The following BCL2 variants were observed in gnomAD, a reference collection of about 807,000 sequenced individuals.
The protein encoded by BCL2 is apoptosis regulator Bcl-2.
In BCL2, 1 loss-of-function variant was observed where a neutral mutation model predicts 14.2. The ratio of observed to expected loss-of-function variants is 0.07; its 90% CI spans 0.02 to 0.33. The LOEUF (loss-of-function observed/expected upper bound fraction) is 0.33, where lower values mean the gene tolerates loss of function less well. Ranked by LOEUF, BCL2 falls within the 10% of genes least tolerant of loss-of-function variation. BCL2 has a pLI of 0.99. For synonymous variants in BCL2, 151 were observed against 137.2 expected, an observed-to-expected ratio of 1.10 and a Z score of -0.70; for missense variants, 247 against 305.9, an observed-to-expected ratio of 0.81 and a Z score of 1.44.
chr18:63,174,178 A>G (rs1915294704), intron 2 of BCL2, among the ~76,000 whole-genome samples: 1 of 152,234 alleles, frequency 6.6e-6, no homozygotes, highest in South Asian at 2.1e-4. Context: ...CTATGAAATG[A>G]GTACTCTTTT....
intron 2 of BCL2, chr18:63,313,965 C>A (rs372868670): frequency 6.6e-6 from 1 of 151,974 alleles, no homozygotes; most frequent in Non-Finnish European, 1.5e-5. Flanking sequence ...TAACAGAATG[C>A]GCAAAAGAAA....
chr18:63,217,509 A>C (rs775589328), intron 2 of BCL2, among the ~76,000 whole-genome samples: 2 of 152,186 alleles, frequency 1.3e-5, no homozygotes, highest in African/African-American at 2.4e-5. Context: ...TCAGAAGGTA[A>C]GCAACGTTCT....
In BCL2 at chr18:63,265,186, G is replaced by T. The variant is rs140131650; in HGVS notation, c.585+52896C>A. 1.6e-3 allele frequency among the ~76,000 whole-genome samples: 242 copies of T among 152,278 alleles called. 1 individual carries two copies. The highest frequency in any genetic ancestry group is 5.5e-3 in the African/African-American group (228 of 41,562). ...AGAGCACCACGCTAAGGTCTTGCTG[G>T]CAGCAGAGTTTGGGAAGGGGAAGGG... On this transcript the variant is annotated intron_variant, in intron 2 of 2. Transcript: ENST00000333681.
At chr18:63,229,169 T>C (rs1568240557) in intron 2 of BCL2, among the ~76,000 whole-genome samples, 1 of 152,116 alleles carries the variant, frequency 6.6e-6, no homozygotes, top group East Asian at 1.9e-4. Context: ...TAGTGGGAGA[T>C]TTTATTTATT....
chr18:63,249,983 T>C (rs1393341628), intron 2 of BCL2, among the ~76,000 whole-genome samples: 1 of 152,076 alleles, frequency 6.6e-6, no homozygotes, highest in Non-Finnish European at 1.5e-5. Flanking sequence ...ATCCTCTCAC[T>C]TCAACTCAGC....
At chr18:63,161,475 G>A (rs573026129) in intron 2 of BCL2, among the ~76,000 whole-genome samples, 5 of 152,214 alleles carry the variant, frequency 3.3e-5, no homozygotes, top group African/African-American at 1.2e-4. Flanking sequence ...CTCAGCTGAG[G>A]CCCTTGTACT....
At chr18:63,259,605 G>A (rs1212014555) in intron 2 of BCL2, among the ~76,000 whole-genome samples, 7 of 152,230 alleles carry the variant, frequency 4.6e-5, no homozygotes, top group African/African-American at 1.4e-4. Flanking sequence ...CTGGCCTTCA[G>A]TTTCCCTGGG....
intron 2 of BCL2, among the ~76,000 whole-genome samples, chr18:63,134,576 T>C (rs1188554714): frequency 6.6e-6 from 1 of 152,328 alleles, no homozygotes; most frequent in East Asian, 1.9e-4. Flanking sequence ...TGGCTGGCTA[T>C]AAGCAAATTC....
chr18:63,242,624 G>A lies in BCL2; in HGVS notation c.585+75458C>T, dbSNP rs142935417. ...AGTTCACCACAATCCCTTATTACCA[G>A]TCTCTCCTCATTAAAACATCCCCCC... On this transcript the variant is annotated intron_variant, in intron 2 of 2. Coordinates refer to ENST00000333681, the MANE Select transcript of BCL2 (RefSeq NM_000633.3). Among the ~76,000 whole-genome samples, 249 of 152,110 alleles carry A rather than the reference G, an allele frequency of 1.6e-3. 1 individual carries two copies. The highest frequency in any genetic ancestry group is 3.2e-3 in the Non-Finnish European group (217 of 67,988).
chr18:63,260,101 C>CT (rs146237417), intron 2 of BCL2, among the ~76,000 whole-genome samples: 2,404 of 149,704 alleles, frequency 0.016, 61 homozygotes, highest in African/African-American at 0.055. Context: ...TTTTCATCTG[C>CT]TTTTTTTTTT....
At chr18:63,279,992 T>C (rs967495080) in intron 2 of BCL2, among the ~76,000 whole-genome samples, 1 of 152,242 alleles carries the variant, frequency 6.6e-6, no homozygotes, top group African/African-American at 2.4e-5. Context: ...CATGGCCTTA[T>C]GGGGGCTGGC....
chr18:63,317,424 G>T (rs1913532105), intron 2 of BCL2: 1 of 545,646 alleles, frequency 1.8e-6, no homozygotes, highest in Non-Finnish European at 2.3e-6. Context: ...ACCTCATCAC[G>T]CCCACTGGGA....
At position 63,174,969 on chromosome 18, in the gene BCL2, G is replaced by C. The variant is rs571312986; in HGVS notation, c.586-46210C>G. Among the ~76,000 whole-genome samples the C allele has an allele frequency of 7.2e-5, 11 of 152,144 alleles. No individual in the cohort carries two copies. In the East Asian group the frequency reaches 1.5e-3, roughly 21 times the overall value. On this transcript the variant is annotated intron_variant, in intron 2 of 2. Transcript: ENST00000333681. ...ACACATGTCTGCCGTTTTCACCTAA[G>C]ATGCCACACTGACCCACAAATCCAG...
chr18:63,171,883 A>G (rs1328976252), intron 2 of BCL2, among the ~76,000 whole-genome samples: 1 of 152,246 alleles, frequency 6.6e-6, no homozygotes, highest in Non-Finnish European at 1.5e-5. Flanking sequence ...CATGAGGCCC[A>G]GGCAGAAGGA....
intron 2 of BCL2, among the ~76,000 whole-genome samples, chr18:63,226,389 C>G (rs548538424): frequency 1.3e-4 from 20 of 152,138 alleles, no homozygotes; most frequent in Non-Finnish European, 2.4e-4. Flanking sequence ...GGGGCCCTCA[C>G]TGGGACCCAC....
chr18:63,311,643 T>A (rs1017191763), intron 2 of BCL2, among the ~76,000 whole-genome samples: 1 of 152,136 alleles, frequency 6.6e-6, no homozygotes, highest in Non-Finnish European at 1.5e-5. Flanking sequence ...GGAATACGCT[T>A]CTATCCCTGA....
intron 2 of BCL2, among the ~76,000 whole-genome samples, chr18:63,158,984 C>A (rs770314314): frequency 3.9e-5 from 6 of 152,214 alleles, no homozygotes; most frequent in Non-Finnish European, 5.9e-5. Flanking sequence ...TAGAGAGCTG[C>A]TGAAGGACAC....
At chr18:63,163,885 C>T (rs1385440381) in intron 2 of BCL2, among the ~76,000 whole-genome samples, 1 of 152,218 alleles carries the variant, frequency 6.6e-6, no homozygotes, top group Non-Finnish European at 1.5e-5. Flanking sequence ...TCAGACTCTT[C>T]AGAGTCTGTG....
chr18:63,135,747 C>G (rs1424974068), intron 2 of BCL2, among the ~76,000 whole-genome samples: 2 of 152,136 alleles, frequency 1.3e-5, no homozygotes, highest in African/African-American at 4.8e-5. Context: ...CCTTTCTGAC[C>G]TCAGGTATCC....
Sources: gnomAD v4.1 joint callset for allele counts (sites outside exome capture counted in the v4.1 genomes callset) on GRCh38, gnomAD v4.1.1 for gene constraint, MANE v1.5 for transcripts, NCBI Gene and HGNC (gene_info 2026-07-23, HGNC 2026-07-21) for gene names.